The following TBC1D14 variants were observed in gnomAD, a reference collection of about 807,000 sequenced individuals.
The protein encoded by TBC1D14 is TBC1 domain family, member 14.
A neutral mutation model predicts 79.0 loss-of-function variants in TBC1D14; 26 were observed. The ratio of observed to expected loss-of-function variants is 0.33; its 90% CI spans 0.24 to 0.46. TBC1D14 has a LOEUF of 0.46. Among genes scored for constraint, TBC1D14 ranks in the 20% least tolerant of loss-of-function variants. The pLI is 1.00. For missense variants in TBC1D14, 769 were observed against 887.6 expected (o/e 0.87, Z 1.70); for synonymous variants, 394 against 349.9 (o/e 1.13, Z -1.40).
At chr4:6,945,266 G>A (rs936868857) in intron 2 of TBC1D14, among the ~76,000 whole-genome samples, 3 of 152,178 alleles carry the variant, frequency 2.0e-5, no homozygotes, top group African/African-American at 7.2e-5. Flanking sequence ...TTAGGAATCA[G>A]CACACAGCCT....
chr4:7,022,981 C>T (rs539007251), intron 12 of TBC1D14, among the ~76,000 whole-genome samples: 4 of 152,170 alleles, frequency 2.6e-5, no homozygotes, highest in African/African-American at 9.6e-5. Context: ...TTTGGCTGGG[C>T]GTGGTGGCTC....
chr4:6,932,938 C>T (rs1374071648), intron 2 of TBC1D14, among the ~76,000 whole-genome samples: 1 of 152,132 alleles, frequency 6.6e-6, no homozygotes, highest in African/African-American at 2.4e-5. Context: ...ATGTTGGCGG[C>T]TGTGTCCCCG....
At chr4:6,938,817 G>A (rs763937131) in intron 2 of TBC1D14, among the ~76,000 whole-genome samples, 1 of 152,232 alleles carries the variant, frequency 6.6e-6, no homozygotes, top group Non-Finnish European at 1.5e-5. Context: ...CTGTGCAGGG[G>A]CTGTGGCTCG....
At chr4:6,915,061 G>A (rs1723287206) in intron 1 of TBC1D14, among the ~76,000 whole-genome samples, 1 of 152,124 alleles carries the variant, frequency 6.6e-6, no homozygotes, top group Admixed American at 6.6e-5. Flanking sequence ...AAAAGAGAAA[G>A]AGATGCAGGG....
intron 3 of TBC1D14, among the ~76,000 whole-genome samples, chr4:6,977,819 C>G (rs1716909372): frequency 6.8e-6 from 1 of 147,366 alleles, no homozygotes; most frequent in Admixed American, 6.7e-5. Context: ...AGGCCGCCAT[C>G]CCATCTAGGA....
intron 2 of TBC1D14, among the ~76,000 whole-genome samples, chr4:6,962,980 G>A (rs915305064): frequency 6.6e-6 from 1 of 152,212 alleles, no homozygotes; most frequent in Non-Finnish European, 1.5e-5. Context: ...TGGGGATGCA[G>A]AGGTGACTCT....
At chr4:6,967,157 C>T in intron 2 of TBC1D14, 147 bp from the exon 3 acceptor site, 1 of 1,113,880 alleles carries the variant, frequency 9.0e-7, no homozygotes, top group Non-Finnish European at 1.3e-6. Flanking sequence ...CCGCGTAATT[C>T]TGTGTCTGTA....
chr4:7,003,028 A>G (rs905553638), intron 7 of TBC1D14, among the ~76,000 whole-genome samples: 7 of 152,152 alleles, frequency 4.6e-5, no homozygotes, highest in African/African-American at 1.7e-4. Flanking sequence ...GGAGAGCCCT[A>G]AGGTTTTGCT....
intron 2 of TBC1D14, among the ~76,000 whole-genome samples, chr4:6,929,241 T>G (rs4323102): frequency 3.3e-5 from 5 of 151,806 alleles, no homozygotes; most frequent in Admixed American, 1.3e-4. Context: ...GTTTGCAGAA[T>G]GAGCTGAGGG....
At chr4:6,988,014 A>G (rs7689127) in intron 3 of TBC1D14, among the ~76,000 whole-genome samples, 152,352 of 152,354 alleles carry the variant, frequency 1, 76,175 homozygotes, top group Middle Eastern at 1. Flanking sequence ...AACCACTCAG[A>G]TGTTCTCAGT....
intron 2 of TBC1D14, among the ~76,000 whole-genome samples, chr4:6,952,027 C>G (rs1010898017): frequency 6.6e-5 from 10 of 152,020 alleles, no homozygotes; most frequent in African/African-American, 2.4e-4. Context: ...TGGTTATGCC[C>G]CTTTGTGGAG....
rs148839529 is a variant in TBC1D14 at position 7,024,519 on chromosome 4, G to C, written c.1758-485G>C. 2.4e-4 allele frequency among the ~76,000 whole-genome samples: 37 copies of C among 152,308 alleles called. No individual in the cohort carries two copies. The East Asian group carries it at 5.8e-3, about 24-fold the overall frequency. ...TAGATGTGGAGCTAGGGTGTGCCAT[G>C]ATGAGCACCAGGCTGGGGACCAGGA... On this transcript the variant is annotated intron_variant, in intron 12 of 13. Transcript: ENST00000409757.
chr4:7,005,774 A>G (rs1370398820), intron 8 of TBC1D14, among the ~76,000 whole-genome samples: 1 of 152,080 alleles, frequency 6.6e-6, no homozygotes, highest in Non-Finnish European at 1.5e-5. Flanking sequence ...GCCCGTCATA[A>G]CCAGTGCCAT....
At chr4:6,981,457 T>G (rs1452556532) in intron 3 of TBC1D14, among the ~76,000 whole-genome samples, 1 of 152,228 alleles carries the variant, frequency 6.6e-6, no homozygotes, top group Non-Finnish European at 1.5e-5. Flanking sequence ...GTTTCACTGA[T>G]GAATCCTACT....
chr4:7,006,158 G>A (rs1720176496), intron 8 of TBC1D14, among the ~76,000 whole-genome samples: 1 of 151,094 alleles, frequency 6.6e-6, no homozygotes, highest in South Asian at 2.1e-4. Context: ...AACAAAGAAA[G>A]ACCCTGTCGC....
At chr4:7,001,553 C>T in intron 7 of TBC1D14, 1 of 310,978 alleles carries the variant, frequency 3.2e-6, no homozygotes, top group South Asian at 4.2e-5. Context: ...GCAAGCCTTG[C>T]CTGCGACGTG....
chr4:6,958,372 CAT>C (rs796680074), intron 2 of TBC1D14, among the ~76,000 whole-genome samples: 6 of 102,954 alleles, frequency 5.8e-5, no homozygotes, highest in African/African-American at 2.2e-4. Flanking sequence ...GTGATCCCCA[CAT>C]ATACACACAC....
intron 2 of TBC1D14, among the ~76,000 whole-genome samples, chr4:6,942,511 A>C (rs1713008780): frequency 6.6e-6 from 1 of 152,166 alleles, no homozygotes; most frequent in Admixed American, 6.5e-5. Flanking sequence ...TTTCCTGTTC[A>C]TTCCCCCTTG....
rs71173476 is a variant in TBC1D14 at position 6,969,758 on chromosome 4, A to AT, written c.843+2345dup. On this transcript the variant is annotated intron_variant, in intron 3 of 13. Coordinates refer to ENST00000409757, the MANE Select transcript of TBC1D14 (RefSeq NM_020773.3). ...TGGATTATGTTCTTGACCTTAGAGGATTTTTTTTTTTCTGTGAACTGAAAT... is the reference window on the plus strand; with the variant it reads ...TGGATTATGTTCTTGACCTTAGAGGATTTTTTTTTTTTCTGTGAACTGAAAT... 5.0e-3 allele frequency among the ~76,000 whole-genome samples: 720 copies of AT among 144,934 alleles called. 2 individuals carry two copies. Among genetic ancestry groups the AT allele is most frequent in the Admixed American group, 0.01 (148 of 14,512 alleles).
Sources: allele counts gnomAD v4.1 joint callset (sites outside exome capture counted in the v4.1 genomes callset), GRCh38; gene constraint gnomAD v4.1.1; transcripts MANE v1.5; gene names NCBI Gene and HGNC (gene_info 2026-07-23, HGNC 2026-07-21).